HNF4G: variants seen among roughly 807,000 people sequenced by gnomAD.
The protein encoded by HNF4G is hepatocyte nuclear factor 4-gamma.
In HNF4G, 21 loss-of-function variants were observed where a neutral mutation model predicts 50.9. The ratio of observed to expected loss-of-function variants is 0.41; its 90% CI spans 0.29 to 0.59. HNF4G has a LOEUF of 0.59. HNF4G is among the 20% of genes least tolerant of loss of function. The probability of loss-of-function intolerance (pLI) is 0.26; values close to 1 mark genes in which losing one functional copy is unlikely to be tolerated. For synonymous variants in HNF4G, 198 were observed against 185.6 expected (o/e 1.07, Z -0.54); for missense variants, 527 against 559.4 (o/e 0.94, Z 0.58).
chr8:75,452,314 T>C (rs1343031514), intron 1 of HNF4G, among the ~76,000 whole-genome samples: 1 of 152,228 alleles, frequency 6.6e-6, no homozygotes, highest in East Asian at 1.9e-4. Flanking sequence ...TATTAGTATG[T>C]GTCCAACACC....
chr8:75,484,290 T>G (rs1018612824), intron 1 of HNF4G, among the ~76,000 whole-genome samples: 3 of 152,194 alleles, frequency 2.0e-5, no homozygotes, highest in Non-Finnish European at 4.4e-5. Context: ...ACGAATCATG[T>G]TTTCAGTAAA....
intron 2 of HNF4G, among the ~76,000 whole-genome samples, chr8:75,521,398 T>C (rs1401646878): frequency 6.6e-6 from 1 of 152,224 alleles, no homozygotes; most frequent in Non-Finnish European, 1.5e-5. Context: ...TTTATGTAGA[T>C]AGTATGTATA....
chr8:75,439,553 C>T (rs79384797), intron 1 of HNF4G, among the ~76,000 whole-genome samples: 7,130 of 151,972 alleles, frequency 0.047, 189 homozygotes, highest in Middle Eastern at 0.065. Context: ...AAACATATTA[C>T]ATTTTTTCTT....
chr8:75,491,039 T>C (rs1812617772), intron 2 of HNF4G, among the ~76,000 whole-genome samples: 1 of 152,298 alleles, frequency 6.6e-6, no homozygotes, highest in South Asian at 2.1e-4. Context: ...TCAAAATTCA[T>C]TAGTTTGTGT....
intron 1 of HNF4G, among the ~76,000 whole-genome samples, chr8:75,479,651 G>A (rs1029865813): frequency 6.8e-6 from 1 of 147,070 alleles, no homozygotes; most frequent in Non-Finnish European, 1.5e-5. Context: ...CATATTTGTT[G>A]AACAAACATT....
chr8:75,408,921 C>T (rs143312401), intron 1 of HNF4G, among the ~76,000 whole-genome samples: 2,383 of 152,324 alleles, frequency 0.016, 28 homozygotes, highest in South Asian at 0.024. Context: ...TCTGCTTTCT[C>T]GTTAATTTTA....
At position 75,523,008 on chromosome 8, in the gene HNF4G, C is replaced by G. The variant is rs186482963; in HGVS notation, c.-23-20803C>G. On this transcript the variant is annotated intron_variant, in intron 2 of 10. Coordinates refer to the HNF4G transcript ENST00000354370. ...TTGGGAGGTCTAGCAGGGTGGATCA[C>G]GAGGTCAGGAGATCGAGACCAGCCT... 1.4e-4 allele frequency among the ~76,000 whole-genome samples: 21 copies of G among 152,056 alleles called. No individual in the cohort carries two copies. The East Asian group carries it at 3.7e-3, about 27-fold the overall frequency.
chr8:75,496,483 G>A (rs1812768987), intron 2 of HNF4G, among the ~76,000 whole-genome samples: 1 of 151,874 alleles, frequency 6.6e-6, no homozygotes, highest in Non-Finnish European at 1.5e-5. Context: ...GACGTTACCA[G>A]TTTTTCTCAG....
intron 9 of HNF4G, among the ~76,000 whole-genome samples, chr8:75,563,041 G>A (rs1374564001): frequency 1.3e-5 from 2 of 152,166 alleles, no homozygotes; most frequent in South Asian, 2.1e-4. Flanking sequence ...ATGAACACCA[G>A]GTAAAAGGAG....
chr8:75,530,440 A>AAT (rs1806299132), intron 2 of HNF4G, among the ~76,000 whole-genome samples: 1 of 151,722 alleles, frequency 6.6e-6, no homozygotes, highest in Admixed American at 6.6e-5. Context: ...TAAAAAAAAA[A>AAT]AATACTACCT....
chr8:75,495,178 C>A (rs970507907), intron 2 of HNF4G, among the ~76,000 whole-genome samples: 7 of 152,172 alleles, frequency 4.6e-5, no homozygotes, highest in African/African-American at 1.7e-4. Flanking sequence ...TAGTATCCTC[C>A]TACTCTTCTC....
chr8:75,461,105 C>T (rs1299155824), intron 1 of HNF4G, among the ~76,000 whole-genome samples: 2 of 152,066 alleles, frequency 1.3e-5, no homozygotes, highest in East Asian at 3.9e-4. Context: ...CTGTTTTTTT[C>T]TTTGCTTCCT....
chr8:75,524,612 A>C (rs895405928), intron 2 of HNF4G, among the ~76,000 whole-genome samples: 1 of 152,222 alleles, frequency 6.6e-6, no homozygotes, highest in African/African-American at 2.4e-5. Context: ...TATACAGTAC[A>C]CAGAAATGGA....
At chr8:75,458,297 C>T (rs1027209353) in intron 1 of HNF4G, among the ~76,000 whole-genome samples, 1 of 150,978 alleles carries the variant, frequency 6.6e-6, no homozygotes, top group Non-Finnish European at 1.5e-5. Flanking sequence ...AATGTGAAAC[C>T]CACTAAGGAG....
intron 1 of HNF4G, among the ~76,000 whole-genome samples, chr8:75,436,335 T>C (rs973420738): frequency 2.0e-5 from 3 of 152,194 alleles, no homozygotes; most frequent in Admixed American, 6.5e-5. Context: ...ATTACTGATA[T>C]GCTCTTGAAA....
chr8:75,416,916 C>A lies in HNF4G; in HGVS notation c.-144+8754C>A, dbSNP rs995784835. ...CAAACTTCCTGAAGCTCTCCCTACC[C>A]AGTTTACTGTACATTGTGAGACATA... On this transcript the variant is annotated intron_variant, in intron 1 of 10. Coordinates refer to the HNF4G transcript ENST00000354370. Among the ~76,000 whole-genome samples the A allele has an allele frequency of 3.3e-5, 5 of 152,194 alleles. No homozygotes were observed. In the East Asian group the frequency reaches 9.6e-4, roughly 29 times the overall value.
intron 1 of HNF4G, among the ~76,000 whole-genome samples, chr8:75,443,129 C>T (rs780203267): frequency 4.6e-5 from 7 of 152,150 alleles, no homozygotes; most frequent in African/African-American, 1.4e-4. Flanking sequence ...GTCTCTTCTA[C>T]CATGTGAGGG....
intron 2 of HNF4G, among the ~76,000 whole-genome samples, chr8:75,529,796 A>T (rs1806281371): frequency 6.6e-6 from 1 of 152,160 alleles, no homozygotes; most frequent in Non-Finnish European, 1.5e-5. Flanking sequence ...TGTATTTTTT[A>T]AGATTTTGAA....
rs746478727 is a variant in HNF4G, at chr8:75,560,369, C to G, written c.1149C>G (p.Leu383=). 8 of 1,613,280 alleles carry G rather than the reference C, an allele frequency of 5.0e-6. No individual in the cohort carries two copies. Among genetic ancestry groups the G allele is most frequent in the Non-Finnish European group, 2.5e-6 (3 of 1,179,478 alleles). ...LGGASNDGSH[L]HHPMHPHLSQ... is the part of the protein sequence containing the mutation. ...GGGCTTCCAATGATGGCAGTCATCTCCATCATCCAATGCATCCACATTTGT... is the reference window on the plus strand; with the variant it reads ...GGGCTTCCAATGATGGCAGTCATCTGCATCATCCAATGCATCCACATTTGT... Residue 383 remains leucine, a synonymous_variant, in exon 9 of 10, where the codon CTC becomes CTG. Transcript: ENST00000396423.
Sources: allele counts gnomAD v4.1 joint callset (sites outside exome capture counted in the v4.1 genomes callset), GRCh38; gene constraint gnomAD v4.1.1; transcripts MANE v1.5; gene names NCBI Gene and HGNC (gene_info 2026-07-23, HGNC 2026-07-21).